Variants in DENND1A observed in about 807,000 individuals in gnomAD.
DENND1A encodes DENN domain-containing protein 1A.
A neutral mutation model predicts 113.7 loss-of-function variants in DENND1A; 51 were observed. The ratio of observed to expected loss-of-function variants is 0.45; its 90% CI spans 0.36 to 0.57. The LOEUF (loss-of-function observed/expected upper bound fraction) is 0.57. Ranked by LOEUF, DENND1A falls within the 20% of genes least tolerant of loss-of-function variation. DENND1A has a pLI of 0.00. For missense variants in DENND1A, 1,258 were observed against 1,395.9 expected, an observed-to-expected ratio of 0.90 and a Z score of 1.57; for synonymous variants, 565 against 570.8, an observed-to-expected ratio of 0.99 and a Z score of 0.14.
At chr9:123,901,121 T>C (rs1487205422) in intron 1 of DENND1A, among the ~76,000 whole-genome samples, 1 of 152,156 alleles carries the variant, frequency 6.6e-6, no homozygotes, top group Admixed American at 6.5e-5. Context: ...AGCTGAAGGA[T>C]TTTAAGCAGT....
chr9:123,408,822 A>T (rs899370461), intron 20 of DENND1A, among the ~76,000 whole-genome samples: 12 of 152,240 alleles, frequency 7.9e-5, no homozygotes, highest in Non-Finnish European at 1.5e-4. Context: ...CACCAGTGAG[A>T]CAACACAGAG....
intron 10 of DENND1A, among the ~76,000 whole-genome samples, chr9:123,618,337 G>C (rs955681268): frequency 6.6e-6 from 1 of 152,182 alleles, no homozygotes; most frequent in Non-Finnish European, 1.5e-5. Context: ...GCCCCAGAAT[G>C]TCCAGAGTTT....
intron 8 of DENND1A, among the ~76,000 whole-genome samples, chr9:123,656,327 G>A (rs1345557874): frequency 1.3e-5 from 2 of 152,136 alleles, no homozygotes; most frequent in Non-Finnish European, 2.9e-5. Flanking sequence ...TTGTGTTTCA[G>A]AAAAATCTTC....
At chr9:123,452,581 G>A (rs953892400) in intron 16 of DENND1A, among the ~76,000 whole-genome samples, 2 of 152,056 alleles carry the variant, frequency 1.3e-5, no homozygotes, top group African/African-American at 4.8e-5. Context: ...AGTGTGAATT[G>A]ATGGAAGGAG....
At chr9:123,684,994 T>G (rs1589659302) in intron 5 of DENND1A, among the ~76,000 whole-genome samples, 1 of 152,206 alleles carries the variant, frequency 6.6e-6, no homozygotes, top group African/African-American at 2.4e-5. Context: ...ACTGATCAGC[T>G]TGACACTGAT....
At chr9:123,573,193 G>C (rs1395383785) in intron 12 of DENND1A, among the ~76,000 whole-genome samples, 1 of 152,034 alleles carries the variant, frequency 6.6e-6, no homozygotes, top group Non-Finnish European at 1.5e-5. Flanking sequence ...ACTTTATAGT[G>C]AGTCTTGCAA....
intron 10 of DENND1A, among the ~76,000 whole-genome samples, chr9:123,616,437 T>A (rs2060652878): frequency 6.6e-6 from 1 of 152,218 alleles, no homozygotes; most frequent in Non-Finnish European, 1.5e-5. Context: ...GGGTTCATAG[T>A]CAGAATAAAA....
At chr9:123,734,633 CTAA>C (rs1408068280) in intron 5 of DENND1A, among the ~76,000 whole-genome samples, 2 of 152,132 alleles carry the variant, frequency 1.3e-5, no homozygotes, top group African/African-American at 4.8e-5. Flanking sequence ...ACAATATCAG[CTAA>C]TAATGATTCT....
chr9:123,713,021 T>C lies in DENND1A; in HGVS notation c.303-36232A>G, dbSNP rs138338300. ...ACACTCTAAATGATGGAAAAGGGAG[T>C]ACTGAACTCCTAAGGTAGTCAGGGA... is the stretch of plus-strand genomic sequence containing the variant. On this transcript the variant is annotated intron_variant, in intron 5 of 23. Transcript: ENST00000394215. 5.7e-3 allele frequency among the ~76,000 whole-genome samples: 869 copies of C among 151,792 alleles called. 1 individual carries two copies. The highest frequency in any genetic ancestry group is 7.9e-3 in the South Asian group (38 of 4,784).
At chr9:123,859,214 C>T (rs1277395587) in intron 2 of DENND1A, among the ~76,000 whole-genome samples, 1 of 152,152 alleles carries the variant, frequency 6.6e-6, no homozygotes, top group African/African-American at 2.4e-5. Context: ...AATAGGCTTA[C>T]ACTTTTCTAC....
chr9:123,417,802 G>C (rs1588428829), intron 19 of DENND1A, among the ~76,000 whole-genome samples: 1 of 152,088 alleles, frequency 6.6e-6, no homozygotes, highest in East Asian at 1.9e-4. Flanking sequence ...TGGCATCCCA[G>C]GCACAGGGGC....
chr9:123,545,471 T>C (rs2056601900), intron 13 of DENND1A, among the ~76,000 whole-genome samples: 2 of 151,360 alleles, frequency 1.3e-5, no homozygotes, highest in Admixed American at 6.6e-5. Flanking sequence ...CTGTCTCCTG[T>C]TCTTTTTTTT....
intron 2 of DENND1A, among the ~76,000 whole-genome samples, chr9:123,861,100 G>C (rs1844995207): frequency 6.6e-6 from 1 of 152,096 alleles, no homozygotes; most frequent in Non-Finnish European, 1.5e-5. Flanking sequence ...AAACTTGGAA[G>C]GGATCTTAAG....
At chr9:123,396,935 A>C (rs891604610) in intron 21 of DENND1A, among the ~76,000 whole-genome samples, 2 of 152,236 alleles carry the variant, frequency 1.3e-5, no homozygotes, top group African/African-American at 4.8e-5. Flanking sequence ...ACAACTGGTT[A>C]AGGGTAAAGG....
intron 9 of DENND1A, among the ~76,000 whole-genome samples, chr9:123,637,811 A>T (rs1261215611): frequency 6.6e-6 from 1 of 152,058 alleles, no homozygotes; most frequent in Non-Finnish European, 1.5e-5. Flanking sequence ...TTCAGGGGGT[A>T]ATGGCAACAA....
intron 1 of DENND1A, among the ~76,000 whole-genome samples, chr9:123,904,427 G>A (rs1210311061): frequency 4.6e-5 from 7 of 150,574 alleles, no homozygotes; most frequent in East Asian, 3.9e-4. Context: ...TCTGAGCTAC[G>A]GGAGGACATT....
At chr9:123,550,243 G>A (rs138783201) in intron 13 of DENND1A, among the ~76,000 whole-genome samples, 4 of 152,378 alleles carry the variant, frequency 2.6e-5, no homozygotes, top group African/African-American at 9.6e-5. Context: ...GGACCAGAGT[G>A]AGCTGGCTGC....
At chr9:123,806,315 G>C (rs1835559154) in intron 2 of DENND1A, among the ~76,000 whole-genome samples, 1 of 151,940 alleles carries the variant, frequency 6.6e-6, no homozygotes, top group Non-Finnish European at 1.5e-5. Context: ...GAGTGCAGTG[G>C]CGTGATCTTG....
chr9:123,779,417 G>A (rs1309727554), intron 3 of DENND1A, among the ~76,000 whole-genome samples: 1 of 152,158 alleles, frequency 6.6e-6, no homozygotes, highest in Admixed American at 6.5e-5. Flanking sequence ...TCAATTAACA[G>A]CACAAGGTAA....
Sources: allele counts gnomAD v4.1 joint callset (sites outside exome capture counted in the v4.1 genomes callset), GRCh38; gene constraint gnomAD v4.1.1; transcripts MANE v1.5; gene names NCBI Gene and HGNC (gene_info 2026-07-23, HGNC 2026-07-21).